CRYBG1: variants seen among roughly 807,000 people sequenced by gnomAD.
CRYBG1 encodes crystallin beta-gamma domain containing 1.
A neutral mutation model predicts 189.2 loss-of-function variants in CRYBG1; 139 were observed. The observed-to-expected ratio is 0.73, with a 90% CI of 0.64 to 0.85. The LOEUF is 0.85. Ranked by LOEUF, CRYBG1 falls within the 40% of genes least tolerant of loss-of-function variation. CRYBG1 has a pLI of 0.00. For missense variants in CRYBG1, 2,611 were observed against 2,675.8 expected (o/e 0.98, Z 0.53); for synonymous variants, 1,023 against 1,017.1 (o/e 1.01, Z -0.11).
Position 106,530,330 on chromosome 6 carries a change from T to C in CRYBG1, c.4718+15T>C. 2 of 1,592,144 alleles carry C rather than the reference T, an allele frequency of 1.3e-6. No individual in the cohort carries two copies. Among genetic ancestry groups the C allele is most frequent in the Non-Finnish European group, 1.7e-6 (2 of 1,170,092 alleles). On this transcript the variant is annotated intron_variant, in intron 8 of 21. Coordinates refer to ENST00000633556, the MANE Select transcript of CRYBG1 (RefSeq NM_001371242.2). Reference sequence around the variant, plus strand: ...CATTGGGGCACGTAAGTATTTTTTTTTCAAACAAATTTTAATGAAGTTTTT... The same window carrying C: ...CATTGGGGCACGTAAGTATTTTTTTCTCAAACAAATTTTAATGAAGTTTTT...
At chr6:106,565,092 G>A (rs1334590702) in intron 21 of CRYBG1, among the ~76,000 whole-genome samples, 5 of 152,056 alleles carry the variant, frequency 3.3e-5, no homozygotes, top group Non-Finnish European at 5.9e-5. Flanking sequence ...GGCCCTGGTG[G>A]GTGGATCACG....
intron 1 of CRYBG1, among the ~76,000 whole-genome samples, chr6:106,390,237 G>A (rs1226420243): frequency 6.6e-6 from 1 of 152,084 alleles, no homozygotes; most frequent in Non-Finnish European, 1.5e-5. Flanking sequence ...ATATCGTATT[G>A]TTTGGAAATA....
chr6:106,424,381 C>T (rs1771188435), intron 1 of CRYBG1, among the ~76,000 whole-genome samples: 1 of 152,122 alleles, frequency 6.6e-6, no homozygotes, highest in Non-Finnish European at 1.5e-5. Context: ...CATGACATGA[C>T]CATTTTACTC....
At chr6:106,446,136 G>A (rs1361875754) in intron 1 of CRYBG1, among the ~76,000 whole-genome samples, 1 of 152,238 alleles carries the variant, frequency 6.6e-6, no homozygotes, top group Non-Finnish European at 1.5e-5. Context: ...CTGATGGTAT[G>A]TGTCCGTAAT....
chr6:106,547,205 CACACACA>C (rs377329112), intron 13 of CRYBG1, among the ~76,000 whole-genome samples: 92,502 of 147,224 alleles, frequency 0.63, 30,363 homozygotes, highest in South Asian at 0.75. Context: ...CACACACACA[CACACACA>C]CCACTTCCTT....
intron 1 of CRYBG1, among the ~76,000 whole-genome samples, chr6:106,411,367 A>G (rs1358103852): frequency 6.6e-6 from 1 of 152,154 alleles, no homozygotes; most frequent in Non-Finnish European, 1.5e-5. Context: ...CCTGTTCTGT[A>G]GGGGTTAACC....
intron 2 of CRYBG1, among the ~76,000 whole-genome samples, chr6:106,477,420 G>T (rs1772354752): frequency 6.6e-6 from 1 of 152,154 alleles, no homozygotes; most frequent in Non-Finnish European, 1.5e-5. Flanking sequence ...AGGATGTTTA[G>T]TGGGGGAAAA....
At chr6:106,534,901 A>G (rs902818821) in intron 8 of CRYBG1, among the ~76,000 whole-genome samples, 2 of 152,166 alleles carry the variant, frequency 1.3e-5, no homozygotes, top group Non-Finnish European at 2.9e-5. Flanking sequence ...GAGTATAAAG[A>G]TGATCTGGCC....
At position 106,512,671 on chromosome 6, in the gene CRYBG1, G is replaced by T; in HGVS notation, c.1554G>T (p.Arg518Ser). 6.4e-7 allele frequency: 1 copy of T among 1,570,392 alleles called. No individual in the cohort carries two copies. Reference protein sequence around the residue: ...PASSPTKRKGRSRALEAVPAP... With the variant: ...PASSPTKRKGSSRALEAVPAP... Reference sequence around the variant, plus strand: ...CGTCCCCCACGAAGAGGAAGGGCAGGAGCCGTGCCCTCGAGGCCGTGCCCG... The same window carrying T: ...CGTCCCCCACGAAGAGGAAGGGCAGTAGCCGTGCCCTCGAGGCCGTGCCCG... The change falls in exon 3 of 22, where the codon AGG becomes AGT. Residue 518 changes from arginine (R) to serine (S), a missense_variant. Transcript: ENST00000633556.
At chr6:106,544,240 A>G (rs532986978) in intron 11 of CRYBG1, among the ~76,000 whole-genome samples, 2 of 152,316 alleles carry the variant, frequency 1.3e-5, no homozygotes, top group East Asian at 1.9e-4. Context: ...CTAACTATTC[A>G]TAATATTTTT....
At chr6:106,440,469 G>A (rs1771548081) in intron 1 of CRYBG1, among the ~76,000 whole-genome samples, 2 of 152,102 alleles carry the variant, frequency 1.3e-5, no homozygotes, top group South Asian at 4.1e-4. Context: ...GTTTCACTAT[G>A]TTGCCCAGGC....
intron 2 of CRYBG1, among the ~76,000 whole-genome samples, chr6:106,459,511 C>A (rs1408586074): frequency 1.3e-5 from 2 of 148,732 alleles, no homozygotes; most frequent in African/African-American, 4.9e-5. Context: ...AGAAAAAAGT[C>A]TAAATGGACT....
At chr6:106,465,937 T>G (rs540555810) in intron 2 of CRYBG1, among the ~76,000 whole-genome samples, 3 of 152,360 alleles carry the variant, frequency 2.0e-5, no homozygotes, top group South Asian at 4.1e-4. Flanking sequence ...TTGAATTTTA[T>G]TCTTATCTAT....
intron 3 of CRYBG1, among the ~76,000 whole-genome samples, chr6:106,517,071 A>G (rs1773440424): frequency 7.2e-6 from 1 of 139,524 alleles, no homozygotes; most frequent in Non-Finnish European, 1.5e-5. Flanking sequence ...GTGCAGTGGC[A>G]TGACCATAGC....
intron 2 of CRYBG1, among the ~76,000 whole-genome samples, chr6:106,505,722 A>ATTTT (rs34498308): frequency 6.8e-6 from 1 of 147,534 alleles, no homozygotes; most frequent in African/African-American, 2.5e-5. Flanking sequence ...AACTCATGCT[A>ATTTT]TTTTTTTTTT....
rs139491134 is a variant in CRYBG1 at position 106,504,120 on chromosome 6, T to TAA, written c.313-7304_313-7303dup. On this transcript the variant is annotated intron_variant, in intron 2 of 21. Coordinates refer to ENST00000633556, the MANE Select transcript of CRYBG1 (RefSeq NM_001371242.2). The stretch of plus-strand genomic sequence containing the variant: ...TGAAATGACAGAAAAAAGATTTTTT[T>TAA]AAAAAAAGAAAAATAGCATCAGAGA... Among the ~76,000 whole-genome samples, 1,606 of 151,582 alleles carry TAA rather than the reference T, an allele frequency of 0.011. 114 individuals carry two copies. In the East Asian group the frequency reaches 0.2, roughly 19 times the overall value.
intron 2 of CRYBG1, among the ~76,000 whole-genome samples, chr6:106,452,399 G>A (rs1422689643): frequency 6.9e-6 from 1 of 144,212 alleles, no homozygotes; most frequent in African/African-American, 2.6e-5. Context: ...ACTCCAGCCT[G>A]AGTGACAGAG....
chr6:106,440,431 A>G (rs1485107752), intron 1 of CRYBG1, among the ~76,000 whole-genome samples: 1 of 146,540 alleles, frequency 6.8e-6, no homozygotes, highest in Admixed American at 6.8e-5. Context: ...TGCCCAGCTA[A>G]TTTTTGTATT....
At chr6:106,427,364 G>T (rs2114398323) in intron 1 of CRYBG1, among the ~76,000 whole-genome samples, 1 of 152,264 alleles carries the variant, frequency 6.6e-6, no homozygotes. Flanking sequence ...GCTCCTTCCT[G>T]ATTGTTCCCT....
Sources: gnomAD v4.1 joint callset for allele counts (sites outside exome capture counted in the v4.1 genomes callset) on GRCh38, gnomAD v4.1.1 for gene constraint, MANE v1.5 for transcripts, NCBI Gene and HGNC (gene_info 2026-07-23, HGNC 2026-07-21) for gene names.